Variants in SCAPER observed in about 807,000 individuals in gnomAD.
SCAPER encodes the protein S-phase cyclin A associated protein in the ER.
SCAPER carries 98 observed loss-of-function variants against 182.2 expected under a neutral mutation model. The observed-to-expected ratio is 0.54, with a 90% CI of 0.46 to 0.64. The LOEUF (loss-of-function observed/expected upper bound fraction) is 0.64. Among genes scored for constraint, SCAPER ranks in the 30% least tolerant of loss-of-function variants. The pLI is 0.00. For synonymous variants in SCAPER, 605 were observed against 564.6 expected (o/e 1.07, Z -1.01); for missense variants, 1,432 against 1,690.0 (o/e 0.85, Z 2.68).
At chr15:76,424,852 G>T (rs1029632867) in intron 26 of SCAPER, among the ~76,000 whole-genome samples, 2 of 152,080 alleles carry the variant, frequency 1.3e-5, no homozygotes, top group Non-Finnish European at 2.9e-5. Context: ...GTCTGTAAAG[G>T]ATTTTATTTC....
chr15:76,438,387 A>G (rs1420237799), intron 25 of SCAPER, among the ~76,000 whole-genome samples: 1 of 152,012 alleles, frequency 6.6e-6, no homozygotes, highest in East Asian at 1.9e-4. Context: ...TGGTTTGGGG[A>G]CCAAATGTTA....
intron 5 of SCAPER, among the ~76,000 whole-genome samples, chr15:76,814,995 AT>A (rs764600220): frequency 3.3e-5 from 5 of 152,152 alleles, no homozygotes; most frequent in Non-Finnish European, 7.4e-5. Context: ...AAAATGGCTA[AT>A]AAGCATAAGA....
chr15:76,687,440 ACT>A (rs1340270279), intron 20 of SCAPER, among the ~76,000 whole-genome samples: 2 of 152,124 alleles, frequency 1.3e-5, no homozygotes, highest in African/African-American at 2.4e-5. Context: ...GGCAACATAT[ACT>A]CTTTTTTAAA....
chr15:76,620,090 A>G (rs1284877373), intron 22 of SCAPER, among the ~76,000 whole-genome samples: 2 of 152,026 alleles, frequency 1.3e-5, no homozygotes, highest in Non-Finnish European at 2.9e-5. Context: ...AAATATATAT[A>G]TATAAGTTTT....
intron 4 of SCAPER, among the ~76,000 whole-genome samples, chr15:76,844,409 G>A (rs1418109074): frequency 1.3e-5 from 2 of 151,758 alleles, no homozygotes; most frequent in Middle Eastern, 3.2e-3. Context: ...AAAAATGCAC[G>A]TGTATGACAT....
chr15:76,445,371 GTTCT>G (rs1379933289), intron 25 of SCAPER, among the ~76,000 whole-genome samples: 2 of 152,134 alleles, frequency 1.3e-5, no homozygotes, highest in Non-Finnish European at 2.9e-5. Flanking sequence ...GATTTTCCTG[GTTCT>G]TTCTATGATG....
chr15:76,432,080 T>C (rs928013944), intron 26 of SCAPER, among the ~76,000 whole-genome samples: 1 of 152,246 alleles, frequency 6.6e-6, no homozygotes, highest in African/African-American at 2.4e-5. Context: ...GATCTTCCGC[T>C]TCATCACAGC....
chr15:76,767,224 A>G (rs1488491593), intron 10 of SCAPER, 136 bp from the exon 11 acceptor site: 1 of 835,070 alleles, frequency 1.2e-6, no homozygotes, highest in Admixed American at 3.3e-5. Context: ...CTGGGGTTCC[A>G]TACAGGCTCA....
At chr15:76,432,754 T>C (rs985126942) in intron 26 of SCAPER, among the ~76,000 whole-genome samples, 1 of 152,212 alleles carries the variant, frequency 6.6e-6, no homozygotes, top group Non-Finnish European at 1.5e-5. Context: ...GTGTCAGAAA[T>C]TGCCACATTT....
At chr15:76,902,649 T>C (rs1046588385) in intron 1 of SCAPER, among the ~76,000 whole-genome samples, 7 of 152,238 alleles carry the variant, frequency 4.6e-5, no homozygotes, top group Admixed American at 6.5e-5. Flanking sequence ...GAGAATTCTA[T>C]TAAACTTCCC....
chr15:76,657,592 A>AG (rs2055763719), intron 21 of SCAPER, among the ~76,000 whole-genome samples: 1 of 150,354 alleles, frequency 6.7e-6, no homozygotes, highest in South Asian at 2.1e-4. Context: ...CAACAACAAA[A>AG]AAAAAAAAAA....
intron 26 of SCAPER, among the ~76,000 whole-genome samples, chr15:76,415,139 G>A (rs2045563265): frequency 6.6e-6 from 1 of 152,086 alleles, no homozygotes. Flanking sequence ...GCAAGGATAT[G>A]GGGAAATGGA....
intron 4 of SCAPER, among the ~76,000 whole-genome samples, chr15:76,842,232 C>A (rs1481715107): frequency 6.6e-6 from 1 of 152,102 alleles, no homozygotes; most frequent in Admixed American, 6.5e-5. Flanking sequence ...CTTGAACATC[C>A]AAACATTCTG....
At chr15:76,890,104 G>C (rs996707070) in intron 1 of SCAPER, among the ~76,000 whole-genome samples, 12 of 152,166 alleles carry the variant, frequency 7.9e-5, no homozygotes, top group Non-Finnish European at 1.6e-4. Context: ...AAATAAAGAT[G>C]TTCTTTGAAA....
intron 5 of SCAPER, among the ~76,000 whole-genome samples, chr15:76,811,609 G>A (rs2066628409): frequency 6.6e-6 from 1 of 151,988 alleles, no homozygotes; most frequent in East Asian, 1.9e-4. Context: ...TGATCAACAT[G>A]GAGAAACCCC....
intron 20 of SCAPER, 149 bp downstream of exon 20, chr15:76,701,609 A>T (rs1172817927): frequency 1.8e-6 from 1 of 567,218 alleles, no homozygotes; most frequent in Non-Finnish European, 3.1e-6. Flanking sequence ...ATAATGACAC[A>T]TTTGTACACT....
intron 2 of SCAPER, among the ~76,000 whole-genome samples, chr15:76,876,798 C>G (rs532153785): frequency 2.6e-5 from 4 of 152,294 alleles, no homozygotes; most frequent in African/African-American, 9.6e-5. Context: ...ACTACTATCA[C>G]TACTTCCATT....
At chr15:76,428,096 CA>C (rs2046569526) in intron 26 of SCAPER, among the ~76,000 whole-genome samples, 1 of 151,720 alleles carries the variant, frequency 6.6e-6, no homozygotes, top group Admixed American at 6.6e-5. Context: ...TCTCAAAAAA[CA>C]AAACAAAACA....
chr15:76,454,564 G>A (rs1211410502), intron 25 of SCAPER, among the ~76,000 whole-genome samples: 1 of 151,988 alleles, frequency 6.6e-6, no homozygotes, highest in East Asian at 1.9e-4. Context: ...ATAACGTTTA[G>A]TTTTGCTTGC....
Sources: gnomAD v4.1 joint callset for allele counts (sites outside exome capture counted in the v4.1 genomes callset) on GRCh38, gnomAD v4.1.1 for gene constraint, MANE v1.5 for transcripts, NCBI Gene and HGNC (gene_info 2026-07-23, HGNC 2026-07-21) for gene names.